The following SNTG1 variants were observed in gnomAD, a reference collection of about 807,000 sequenced individuals.
SNTG1 encodes gamma-1-syntrophin.
Under a neutral mutation model 74.7 loss-of-function variants are expected in SNTG1, and 39 were observed. The observed-to-expected ratio is 0.52, with a 90% CI of 0.40 to 0.68. SNTG1 has a LOEUF of 0.68. SNTG1 is among the 30% of genes least tolerant of loss of function. The pLI is 0.00. For synonymous variants in SNTG1, 254 were observed against 217.1 expected (o/e 1.17, Z -1.49); for missense variants, 685 against 609.5 (o/e 1.12, Z -1.30).
At chr8:50,041,755 G>T (rs1177810436) in intron 1 of SNTG1, among the ~76,000 whole-genome samples, 1 of 152,100 alleles carries the variant, frequency 6.6e-6, no homozygotes, top group African/African-American at 2.4e-5. Context: ...TCTAGATGTG[G>T]TATTTCATAA....
chr8:50,177,960 A>G (rs2083061366), intron 2 of SNTG1, among the ~76,000 whole-genome samples: 1 of 152,198 alleles, frequency 6.6e-6, no homozygotes, highest in East Asian at 1.9e-4. Flanking sequence ...CATAATTGGA[A>G]TCCTACAGTA....
chr8:50,363,017 C>T (rs1432723454), intron 2 of SNTG1, among the ~76,000 whole-genome samples: 1 of 151,892 alleles, frequency 6.6e-6, no homozygotes, highest in African/African-American at 2.4e-5. Context: ...TTCTTTAGCC[C>T]TATCAGGACA....
chr8:50,650,869 T>G (rs918368541), intron 13 of SNTG1, among the ~76,000 whole-genome samples: 2 of 151,992 alleles, frequency 1.3e-5, no homozygotes, highest in Non-Finnish European at 2.9e-5. Context: ...CCTGGTTAAT[T>G]TTTGTATTTT....
At chr8:50,249,539 T>C (rs1282314658) in intron 2 of SNTG1, among the ~76,000 whole-genome samples, 1 of 152,208 alleles carries the variant, frequency 6.6e-6, no homozygotes, top group East Asian at 1.9e-4. Flanking sequence ...CACCCACCCC[T>C]GCCCCTTACA....
intron 15 of SNTG1, among the ~76,000 whole-genome samples, chr8:50,689,981 A>G (rs1044632022): frequency 3.8e-4 from 58 of 151,980 alleles, no homozygotes; most frequent in African/African-American, 1.3e-3. Context: ...TCTTGGGAGG[A>G]TGTATGTGTC....
chr8:50,684,978 A>G (rs1300166378), intron 15 of SNTG1, among the ~76,000 whole-genome samples: 1 of 143,268 alleles, frequency 7.0e-6, no homozygotes, highest in Non-Finnish European at 1.5e-5. Flanking sequence ...TGTGCTACTT[A>G]CCTTTACTCA....
chr8:50,434,136 G>A (rs559017558), intron 4 of SNTG1, among the ~76,000 whole-genome samples: 293 of 150,620 alleles, frequency 1.9e-3, no homozygotes, highest in Non-Finnish European at 3.1e-3. Flanking sequence ...GAGAACATGC[G>A]GTGTTTGGTT....
In SNTG1 at chr8:50,744,747, T is replaced by C. The variant is rs546553856; in HGVS notation, c.1285-7254T>C. 8.5e-5 allele frequency among the ~76,000 whole-genome samples: 13 copies of C among 152,130 alleles called. No individual in the cohort carries two copies. In the South Asian group the frequency reaches 2.1e-3, roughly 24 times the overall value. On this transcript the variant is annotated intron_variant, in intron 17 of 18. Transcript: ENST00000642720. ...TAGAGATCACAGAATGAACCTCATATGTATGGTAAAATGATTTTCAACAAG... is the reference window on the plus strand; with the variant it reads ...TAGAGATCACAGAATGAACCTCATACGTATGGTAAAATGATTTTCAACAAG...
intron 13 of SNTG1, among the ~76,000 whole-genome samples, chr8:50,610,805 T>C (rs907823423): frequency 1.3e-5 from 2 of 152,174 alleles, no homozygotes; most frequent in Non-Finnish European, 2.9e-5. Context: ...CCCAAAGTTA[T>C]AGCAGTTTTT....
chr8:50,365,292 T>A (rs2092077584), intron 2 of SNTG1, among the ~76,000 whole-genome samples: 1 of 152,072 alleles, frequency 6.6e-6, no homozygotes. Context: ...CAAAGAGACA[T>A]GGTGAGATAA....
At chr8:50,097,021 G>A (rs573305163) in intron 1 of SNTG1, among the ~76,000 whole-genome samples, 1 of 151,918 alleles carries the variant, frequency 6.6e-6, no homozygotes, top group Non-Finnish European at 1.5e-5. Context: ...CCAGGCTGGG[G>A]TGCAGTGGCG....
intron 2 of SNTG1, among the ~76,000 whole-genome samples, chr8:50,275,681 A>G (rs996900062): frequency 1.3e-5 from 2 of 152,128 alleles, no homozygotes; most frequent in South Asian, 2.1e-4. Flanking sequence ...CCGGGCCCCC[A>G]GGCACCTTTA....
chr8:49,953,465 A>G (rs529363113), intron 1 of SNTG1, among the ~76,000 whole-genome samples: 2 of 152,278 alleles, frequency 1.3e-5, no homozygotes, highest in South Asian at 2.1e-4. Flanking sequence ...CTTACCATAC[A>G]GGTCAGGGTC....
chr8:50,605,456 G>A (rs576932124), intron 13 of SNTG1, among the ~76,000 whole-genome samples: 14 of 152,242 alleles, frequency 9.2e-5, no homozygotes, highest in Non-Finnish European at 1.9e-4. Context: ...TGGCTGCTCC[G>A]AATGCTCCTT....
chr8:50,580,530 A>T (rs1048801745), intron 12 of SNTG1, among the ~76,000 whole-genome samples: 17 of 152,128 alleles, frequency 1.1e-4, no homozygotes, highest in African/African-American at 4.1e-4. Flanking sequence ...CATTAGCCCA[A>T]TGTGTCATGG....
chr8:50,693,055 G>A (rs564140513), intron 15 of SNTG1, among the ~76,000 whole-genome samples: 29 of 152,206 alleles, frequency 1.9e-4, no homozygotes, highest in Non-Finnish European at 3.8e-4. Flanking sequence ...TCTGAGCCAG[G>A]TGCAGGATAT....
intron 18 of SNTG1, among the ~76,000 whole-genome samples, chr8:50,777,809 A>G (rs1450963269): frequency 6.6e-6 from 1 of 151,836 alleles, no homozygotes; most frequent in Non-Finnish European, 1.5e-5. Flanking sequence ...CCATTAACTC[A>G]TCATTTAGCA....
chr8:50,517,962 G>A (rs1474791118), intron 9 of SNTG1, among the ~76,000 whole-genome samples: 4 of 152,172 alleles, frequency 2.6e-5, no homozygotes, highest in African/African-American at 7.2e-5. Flanking sequence ...GGACTTAATA[G>A]ACATCTACAG....
intron 2 of SNTG1, among the ~76,000 whole-genome samples, chr8:50,184,429 G>T (rs1302391642): frequency 2.6e-5 from 4 of 152,090 alleles, no homozygotes; most frequent in Middle Eastern, 3.2e-3. Flanking sequence ...CTCCCAAAGT[G>T]CTGGGATTAC....
Sources: gnomAD v4.1 joint callset for allele counts (sites outside exome capture counted in the v4.1 genomes callset) on GRCh38, gnomAD v4.1.1 for gene constraint, MANE v1.5 for transcripts, NCBI Gene and HGNC (gene_info 2026-07-23, HGNC 2026-07-21) for gene names.